The following SLC38A6 variants were observed in gnomAD, a reference collection of about 807,000 sequenced individuals.
SLC38A6 encodes N system amino acid transporter NAT-1.
In SLC38A6, 73 loss-of-function variants were observed where a neutral mutation model predicts 65.0. The observed-to-expected ratio is 1.12, with a 90% CI of 0.93 to 1.37. SLC38A6 has a LOEUF of 1.37. SLC38A6 is among the 40% of genes most tolerant of loss of function. SLC38A6 has a pLI of 0.00. For missense variants in SLC38A6, 561 were observed against 531.1 expected (o/e 1.06, Z -0.55); for synonymous variants, 183 against 178.8 (o/e 1.02, Z -0.19).
intron 16 of SLC38A6, among the ~76,000 whole-genome samples, chr14:61,081,681 C>T (rs2043658245): frequency 6.6e-6 from 1 of 151,892 alleles, no homozygotes. Context: ...GAGACTCTGT[C>T]TCAAAAAAAA....
intron 3 of SLC38A6, among the ~76,000 whole-genome samples, chr14:61,000,336 T>C (rs1194114435): frequency 2.0e-5 from 3 of 152,206 alleles, no homozygotes; most frequent in African/African-American, 7.2e-5. Context: ...AAACGTATCT[T>C]TAAAAATTCT....
chr14:61,004,973 A>G (rs1299460685), intron 3 of SLC38A6, among the ~76,000 whole-genome samples: 1 of 152,092 alleles, frequency 6.6e-6, no homozygotes, highest in Non-Finnish European at 1.5e-5. Context: ...GCAGCACATC[A>G]AAAAGCTTAT....
intron 3 of SLC38A6, among the ~76,000 whole-genome samples, chr14:61,006,325 A>G (rs993459254): frequency 3.9e-5 from 6 of 152,250 alleles, no homozygotes; most frequent in African/African-American, 1.4e-4. Flanking sequence ...AAAATTGACA[A>G]ATGAGATCTA....
intron 3 of SLC38A6, among the ~76,000 whole-genome samples, chr14:60,990,512 T>C (rs904033138): frequency 6.6e-6 from 1 of 152,210 alleles, no homozygotes; most frequent in Non-Finnish European, 1.5e-5. Flanking sequence ...TGTTCCCATC[T>C]AAGTAAATGG....
At chr14:61,023,604 C>T (rs1028526161) in intron 5 of SLC38A6, among the ~76,000 whole-genome samples, 13 of 148,468 alleles carry the variant, frequency 8.8e-5, no homozygotes, top group Admixed American at 8.1e-4. Flanking sequence ...TATATATACA[C>T]ACACACACAC....
chr14:61,007,281 A>G (rs1027314154), intron 3 of SLC38A6, among the ~76,000 whole-genome samples: 6 of 151,898 alleles, frequency 4.0e-5, no homozygotes, highest in African/African-American at 1.5e-4. Flanking sequence ...TATGTATCTA[A>G]CCTTCACATT....
intron 3 of SLC38A6, among the ~76,000 whole-genome samples, chr14:61,005,281 A>T (rs1172569721): frequency 7.0e-6 from 1 of 142,116 alleles, no homozygotes; most frequent in Non-Finnish European, 1.6e-5. Context: ...CAAGACAGGG[A>T]TGCCCTCTCT....
intron 3 of SLC38A6, among the ~76,000 whole-genome samples, chr14:61,011,873 G>A (rs192141783): frequency 5.7e-4 from 87 of 152,252 alleles, no homozygotes; most frequent in East Asian, 5.0e-3. Flanking sequence ...GCCAGACTTT[G>A]GTATCAGGAT....
rs141188036 is a variant in SLC38A6 at position 61,074,597 on chromosome 14, G to T, written c.1291-4213G>T. Among the ~76,000 whole-genome samples the T allele has an allele frequency of 5.0e-3, 765 of 152,222 alleles. 14 individuals are homozygous for T. The highest frequency in any genetic ancestry group is 0.017 in the African/African-American group (717 of 41,520). ...CCAAAGACCCCATCTTGAAATACTTGTGGGTTAGGGCCTCAATATGAATTG... is the reference window on the plus strand; with the variant it reads ...CCAAAGACCCCATCTTGAAATACTTTTGGGTTAGGGCCTCAATATGAATTG... On this transcript the variant is annotated intron_variant, in intron 15 of 16. Transcript: ENST00000354886.
At chr14:61,063,948 C>T (rs2042942105) in intron 15 of SLC38A6, among the ~76,000 whole-genome samples, 1 of 152,190 alleles carries the variant, frequency 6.6e-6, no homozygotes, top group Non-Finnish European at 1.5e-5. Flanking sequence ...ATGTTTATCC[C>T]CTTTGTCCAT....
At chr14:60,988,421 C>A (rs149169833) in intron 3 of SLC38A6, among the ~76,000 whole-genome samples, 1 of 152,244 alleles carries the variant, frequency 6.6e-6, no homozygotes, top group Admixed American at 6.5e-5. Flanking sequence ...TTCAGTATTA[C>A]CCCTGTTATA....
intron 15 of SLC38A6, among the ~76,000 whole-genome samples, chr14:61,065,412 G>A (rs1306238014): frequency 6.6e-6 from 1 of 152,156 alleles, no homozygotes; most frequent in Non-Finnish European, 1.5e-5. Flanking sequence ...CTTTGTATGT[G>A]CCTTCAGATG....
intron 15 of SLC38A6, chr14:61,073,851 A>G (rs2043309808): frequency 6.6e-6 from 1 of 151,882 alleles, no homozygotes. Flanking sequence ...CGAGAAGGCA[A>G]GACCAACCCC....
At chr14:61,047,737 A>C (rs961129991) in intron 12 of SLC38A6, among the ~76,000 whole-genome samples, 1 of 152,226 alleles carries the variant, frequency 6.6e-6, no homozygotes, top group South Asian at 2.1e-4. Flanking sequence ...CATCATGTAG[A>C]TGGCATGTTT....
intron 3 of SLC38A6, among the ~76,000 whole-genome samples, chr14:61,004,882 C>CA (rs2038976502): frequency 1.3e-5 from 2 of 151,828 alleles, no homozygotes; most frequent in Non-Finnish European, 2.9e-5. Flanking sequence ...GAGACACAAC[C>CA]AAAAAAGAGA....
rs936627122 is a variant in SLC38A6, at chr14:61,060,966, CG to C, written c.1290+8832del. ...GCGCTTCCCAGGTGAGGCAATGCCTCGACCTGCTTCGGCTCGCGCACGGTGC... is the reference window on the plus strand; with the variant it reads ...GCGCTTCCCAGGTGAGGCAATGCCTCACCTGCTTCGGCTCGCGCACGGTGC... On this transcript the variant is annotated intron_variant, in intron 15 of 16. Coordinates refer to the SLC38A6 transcript ENST00000354886. Among the ~76,000 whole-genome samples the C allele has an allele frequency of 3.9e-3, 582 of 151,132 alleles. 1 individual carries two copies. The highest frequency in any genetic ancestry group is 0.013 in the African/African-American group (546 of 40,918).
At chr14:61,083,566 A>G (rs2043740425) in exon 17 of SLC38A6, 1 of 1,550,448 alleles carries the variant, frequency 6.4e-7, no homozygotes, top group Non-Finnish European at 8.7e-7. Context: ...AAGAGATACC[A>G]TGGAGATGTG....
chr14:61,012,112 G>A (rs2039623500), intron 3 of SLC38A6, among the ~76,000 whole-genome samples: 1 of 152,164 alleles, frequency 6.6e-6, no homozygotes, highest in Admixed American at 6.5e-5. Context: ...TTAGTGTTGG[G>A]AGGGTGTATG....
At position 61,024,608 on chromosome 14, in the gene SLC38A6, A is replaced by G. The variant is rs138002439; in HGVS notation, c.403+5028A>G. On this transcript the variant is annotated intron_variant, in intron 5 of 15. Transcript: ENST00000267488. The stretch of plus-strand genomic sequence containing the variant: ...AGAAAGTAAGTATAAGGTAGTTTTC[A>G]CATAGTTCCTGTAACAGTGTTGTAT... Among the ~76,000 whole-genome samples, 79 of 152,378 alleles carry G rather than the reference A, an allele frequency of 5.2e-4. No individual in the cohort carries two copies. In the East Asian group the frequency reaches 8.9e-3, roughly 17 times the overall value.
Sources: allele counts gnomAD v4.1 joint callset (sites outside exome capture counted in the v4.1 genomes callset), GRCh38; gene constraint gnomAD v4.1.1; transcripts MANE v1.5; gene names NCBI Gene and HGNC (gene_info 2026-07-23, HGNC 2026-07-21).